SPMIP7: variants seen among roughly 807,000 people sequenced by gnomAD.
SPMIP7 encodes protein SPMIP7.
At chr7:50,098,418 G>T in the SPMIP7 span, among the ~76,000 whole-genome samples, 1 of 152,132 alleles carries the variant, frequency 6.6e-6, no homozygotes, top group Admixed American at 6.5e-5. Context: ...CTCATCTATT[G>T]TCACTTCCTT....
At chr7:50,131,370 A>G in the SPMIP7 span, among the ~76,000 whole-genome samples, 3 of 152,212 alleles carry the variant, frequency 2.0e-5, no homozygotes, top group Non-Finnish European at 4.4e-5. Context: ...AGTCAGTTTT[A>G]CATACATTGA....
the SPMIP7 span, among the ~76,000 whole-genome samples, chr7:50,099,657 G>C: frequency 6.6e-6 from 1 of 152,140 alleles, no homozygotes; most frequent in Non-Finnish European, 1.5e-5. Context: ...GTGCTGAGGA[G>C]AGGGTGAGCT....
the SPMIP7 span, among the ~76,000 whole-genome samples, chr7:50,153,698 G>A: frequency 6.6e-6 from 1 of 152,206 alleles, no homozygotes; most frequent in Non-Finnish European, 1.5e-5. Flanking sequence ...CTGGGGCTCT[G>A]GGAGGGGGCA....
At chr7:50,133,474 CT>C in the SPMIP7 span, among the ~76,000 whole-genome samples, 4 of 152,124 alleles carry the variant, frequency 2.6e-5, no homozygotes, top group Non-Finnish European at 5.9e-5. Context: ...TAATGGTATC[CT>C]CTGAAGGTCA....
At chr7:50,137,946 T>A in the SPMIP7 span, among the ~76,000 whole-genome samples, 2 of 152,176 alleles carry the variant, frequency 1.3e-5, no homozygotes, top group Non-Finnish European at 2.9e-5. Context: ...AGTCTGTGAC[T>A]TTTTTATTTT....
At chr7:50,141,727 C>CTTTTTTTTTTTTTTTTTTTTT in the SPMIP7 span, 1 of 76,856 alleles carries the variant, frequency 1.3e-5, no homozygotes, top group African/African-American at 5.2e-5. Flanking sequence ...AGAGGAATCA[C>CTTTTTTTTTTTTTTTTTTTTT]TTTTTTTTTT....
the SPMIP7 span, among the ~76,000 whole-genome samples, chr7:50,150,430 T>C: frequency 6.6e-6 from 1 of 152,184 alleles, no homozygotes; most frequent in Admixed American, 6.5e-5. Context: ...TTCTTATTCC[T>C]CCCTGAGGCC....
chr7:50,121,599 A>C, the SPMIP7 span, among the ~76,000 whole-genome samples: 1 of 152,130 alleles, frequency 6.6e-6, no homozygotes, highest in East Asian at 1.9e-4. Context: ...CTTTTTCACG[A>C]ATCTTTTTTT....
chr7:50,096,479 G>C, the SPMIP7 span: 9 of 1,551,716 alleles, frequency 5.8e-6, no homozygotes, highest in Non-Finnish European at 6.1e-6. Context: ...AACCCTAGTG[G>C]ATTTTAGTGA....
the SPMIP7 span, chr7:50,096,089 G>A: frequency 2.0e-6 from 3 of 1,470,408 alleles, no homozygotes; most frequent in African/African-American, 4.3e-5. Context: ...AAAGGCCATG[G>A]ATGTAGAAAT....
the SPMIP7 span, among the ~76,000 whole-genome samples, chr7:50,117,736 T>A: frequency 6.6e-6 from 1 of 152,212 alleles, no homozygotes; most frequent in Non-Finnish European, 1.5e-5. Flanking sequence ...TCACCTGAAA[T>A]GAGTTAATAC....
the SPMIP7 span, among the ~76,000 whole-genome samples, chr7:50,138,054 T>C: frequency 2.0e-5 from 3 of 152,212 alleles, no homozygotes; most frequent in South Asian, 4.1e-4. Flanking sequence ...GTGAAGATTT[T>C]AATGAGTGTT....
chr7:50,109,626 C>T, the SPMIP7 span, among the ~76,000 whole-genome samples: 6 of 152,124 alleles, frequency 3.9e-5, no homozygotes, highest in Non-Finnish European at 7.4e-5. Context: ...CCACCCGCCT[C>T]GGCCTCCCAA....
chr7:50,096,227 G>C, the SPMIP7 span: 1 of 1,551,756 alleles, frequency 6.4e-7, no homozygotes, highest in Admixed American at 2.0e-5. Context: ...GAAAGGTCTT[G>C]AGAACAGACA....
At chr7:50,158,918 C>T in the SPMIP7 span, 77 of 885,074 alleles carry the variant, frequency 8.7e-5, no homozygotes, top group Non-Finnish European at 1.1e-4. Context: ...GAGTCATCCT[C>T]GCTCCCTGCC....
At chr7:50,110,826 CATATTAT>C in the SPMIP7 span, among the ~76,000 whole-genome samples, 4 of 128,454 alleles carry the variant, frequency 3.1e-5, no homozygotes, top group Non-Finnish European at 4.6e-5. Flanking sequence ...AATATATAAT[CATATTAT>C]ATATTATATA....
At chr7:50,134,256 C>A in the SPMIP7 span, 1 of 1,520,532 alleles carries the variant, frequency 6.6e-7, no homozygotes, top group East Asian at 2.5e-5. Flanking sequence ...GGTCAGCAGA[C>A]TTCTCTGAAC....
At chr7:50,108,245 G>A in the SPMIP7 span, among the ~76,000 whole-genome samples, 1 of 152,106 alleles carries the variant, frequency 6.6e-6, no homozygotes. Context: ...ACATGTAGAA[G>A]ACAGCAATAG....
the SPMIP7 span, among the ~76,000 whole-genome samples, chr7:50,147,907 G>C: frequency 6.6e-6 from 1 of 152,112 alleles, no homozygotes; most frequent in African/African-American, 2.4e-5. Context: ...TTTTTAAGTG[G>C]GTCTCTGCGT....
Sources: allele counts gnomAD v4.1 joint callset (sites outside exome capture counted in the v4.1 genomes callset), GRCh38; gene constraint gnomAD v4.1.1; transcripts MANE v1.5; gene names NCBI Gene and HGNC (gene_info 2026-07-23, HGNC 2026-07-21).